The following MTA1 variants were observed in gnomAD, a reference collection of about 807,000 sequenced individuals.
The protein encoded by MTA1 is metastasis associated 1, also known as metastasis-associated protein MTA1.
Under a neutral mutation model 97.0 loss-of-function variants are expected in MTA1, and 15 were observed. The observed-to-expected ratio is 0.15, with a 90% CI of 0.10 to 0.24. The LOEUF (loss-of-function observed/expected upper bound fraction) is 0.24. Among genes scored for constraint, MTA1 ranks in the 10% least tolerant of loss-of-function variants. The pLI is 1.00. For missense variants in MTA1, 709 were observed against 1,015.1 expected (o/e 0.70, Z 4.10); for synonymous variants, 435 against 417.5 (o/e 1.04, Z -0.51).
chr14:105,452,711 G>A (rs782020838), intron 6 of MTA1, among the ~76,000 whole-genome samples: 5 of 152,208 alleles, frequency 3.3e-5, no homozygotes, highest in Non-Finnish European at 5.9e-5. Context: ...AGGCAGAGTA[G>A]GAGCTGAGGC....
chr14:105,444,243 T>C (rs781886906), intron 2 of MTA1, among the ~76,000 whole-genome samples: 27 of 151,610 alleles, frequency 1.8e-4, no homozygotes, highest in African/African-American at 3.1e-4. Context: ...GGCGTGGTGG[T>C]GGGCGCCTGT....
intron 7 of MTA1, among the ~76,000 whole-genome samples, 158 bp downstream of exon 7, chr14:105,454,468 G>A (rs782733275): frequency 2.0e-5 from 3 of 152,204 alleles, no homozygotes; most frequent in Admixed American, 6.5e-5. Flanking sequence ...TGGGTGATGC[G>A]TGTAGGCTGG....
At chr14:105,428,717 C>CTTT (rs60016099) in intron 1 of MTA1, among the ~76,000 whole-genome samples, 5 of 145,490 alleles carry the variant, frequency 3.4e-5, no homozygotes, top group Non-Finnish European at 4.6e-5. Flanking sequence ...AGAAGTGTTT[C>CTTT]TTTTTTTTTT....
chr14:105,424,001 TGAGCACCAG>T lies in MTA1; in HGVS notation c.28+3943_28+3951del, dbSNP rs1335957604. 2.0e-5 allele frequency among the ~76,000 whole-genome samples: 3 copies of T among 152,230 alleles called. No homozygotes were observed. The highest frequency in any genetic ancestry group is 2.4e-5 in the African/African-American group (1 of 41,472). On this transcript the variant is annotated intron_variant, in intron 1 of 20. Coordinates refer to ENST00000331320, the MANE Select transcript of MTA1 (RefSeq NM_004689.4). This position sits in a 1 kb window ranked among gnomAD's most constrained non-coding sequence, Gnocchi z 4.0. ...GAGCCCTGGAGACACGGCCGTCCTG[TGAGCACCAG>T]GAGCGGGAGTGGTAGAAGTGGCAGG... is the stretch of plus-strand genomic sequence containing the variant.
chr14:105,423,684 G>A (rs1015890560), intron 1 of MTA1, among the ~76,000 whole-genome samples: 10 of 152,364 alleles, frequency 6.6e-5, no homozygotes, highest in African/African-American at 1.9e-4. Flanking sequence ...CACCCTGTCC[G>A]TGCTGCTGGT....
At chr14:105,452,142 A>C (rs1469002782) in intron 6 of MTA1, among the ~76,000 whole-genome samples, 1 of 152,198 alleles carries the variant, frequency 6.6e-6, no homozygotes, top group African/African-American at 2.4e-5. Context: ...CAATATGGGA[A>C]TTTAATGTAA....
chr14:105,464,737 G>A lies in MTA1; in HGVS notation c.1408G>A (p.Ala470Thr). Residue 470 changes from alanine (A) to threonine (T), a missense_variant, in exon 15 of 21, where the codon GCT becomes ACT. Transcript: ENST00000331320. ...SPKFAMKTRQ[A>T]FYLHTTKLTR... The stretch of plus-strand genomic sequence containing the variant: ...CAAGTTTGCCATGAAGACCAGGCAG[G>A]CTTTCTATCTGCACACGACGAAGCT... The A allele has an allele frequency of 6.2e-7, 1 of 1,609,912 alleles. No individual in the cohort carries two copies. Among genetic ancestry groups the A allele is most frequent in the Non-Finnish European group, 8.5e-7 (1 of 1,177,822 alleles).
chr14:105,463,075 TG>T lies in MTA1; in HGVS notation c.943-107del. 9.1e-7 allele frequency: 1 copy of T among 1,104,624 alleles called. No individual in the cohort carries two copies. Among genetic ancestry groups the T allele is most frequent in the Non-Finnish European group, 1.3e-6 (1 of 746,076 alleles). 68.4% of individuals were successfully genotyped at this position (1,104,624 alleles called of 1,614,324 possible). On this transcript the variant is annotated intron_variant, in intron 10 of 20. Coordinates refer to ENST00000331320, the MANE Select transcript of MTA1 (RefSeq NM_004689.4). The surrounding 1 kb of genome is among the most constrained non-coding windows in gnomAD (Gnocchi z 5.9). ...CGTGCACCAAGCACACCTCGCCCTC[TG>T]GCCTCCCGCCCCCTCTGTGGCCTTC...
chr14:105,421,616 C>A (rs370413675), intron 1 of MTA1, among the ~76,000 whole-genome samples: 1 of 152,228 alleles, frequency 6.6e-6, no homozygotes, highest in East Asian at 1.9e-4. Flanking sequence ...GGCCTGCCTG[C>A]CTGTGATCTT....
chr14:105,468,453 GCACCTGGGCCCC>G, intron 18 of MTA1: 3 of 1,112,202 alleles, frequency 2.7e-6, no homozygotes, highest in Non-Finnish European at 3.7e-6. Flanking sequence ...CGCAGATCAG[GCACCTGGGCCCC>G]CACCTGACCC....
chr14:105,452,916 G>T (rs1163642260), intron 6 of MTA1, among the ~76,000 whole-genome samples: 1 of 152,254 alleles, frequency 6.6e-6, no homozygotes, highest in Non-Finnish European at 1.5e-5. Context: ...ACGACCCACA[G>T]GAATCAGGAG....
At chr14:105,429,134 C>T (rs1295282172) in intron 1 of MTA1, among the ~76,000 whole-genome samples, 2 of 152,314 alleles carry the variant, frequency 1.3e-5, no homozygotes, top group South Asian at 2.1e-4. Context: ...CCTCAGCCTT[C>T]GTAGAACTGA....
chr14:105,467,645 G>T, intron 18 of MTA1: 2 of 372,462 alleles, frequency 5.4e-6, no homozygotes, highest in Non-Finnish European at 1.1e-5. Flanking sequence ...GGCGGTGTCT[G>T]TGTCTCGGCC....
chr14:105,426,973 G>C (rs1452796209), intron 1 of MTA1, among the ~76,000 whole-genome samples: 1 of 152,228 alleles, frequency 6.6e-6, no homozygotes, highest in Non-Finnish European at 1.5e-5. Flanking sequence ...CTGGTCTCCT[G>C]TCTCTGACCA....
chr14:105,460,712 A>G, intron 9 of MTA1, 53 bp from the exon 10 acceptor site: 3 of 1,497,456 alleles, frequency 2.0e-6, no homozygotes, highest in South Asian at 2.7e-5. Flanking sequence ...ACCGTGCCAC[A>G]GGTGCAGGAA....
At chr14:105,429,814 T>C (rs587707697) in intron 1 of MTA1, among the ~76,000 whole-genome samples, 69 of 122,996 alleles carry the variant, frequency 5.6e-4, no homozygotes, top group African/African-American at 2.0e-3. Flanking sequence ...TGGAGTGCAG[T>C]GGTGCGATCT....
chr14:105,468,760 C>G (rs2083702088), intron 18 of MTA1, among the ~76,000 whole-genome samples: 1 of 152,188 alleles, frequency 6.6e-6, no homozygotes, highest in Non-Finnish European at 1.5e-5. Context: ...GGACCAGCTC[C>G]CACATGCACA....
chr14:105,439,444 G>C (rs1362024621), intron 2 of MTA1, among the ~76,000 whole-genome samples: 2 of 152,218 alleles, frequency 1.3e-5, no homozygotes, highest in Non-Finnish European at 1.5e-5. Flanking sequence ...AGCCACTCCT[G>C]GCCTCCACTG....
intron 2 of MTA1, among the ~76,000 whole-genome samples, chr14:105,444,876 C>T (rs2082663197): frequency 6.6e-6 from 1 of 151,992 alleles, no homozygotes; most frequent in African/African-American, 2.4e-5. Flanking sequence ...CTTGCAGTAG[C>T]AAAGATGTTA....
Sources: gnomAD v4.1 joint callset for allele counts (sites outside exome capture counted in the v4.1 genomes callset) on GRCh38, gnomAD v4.1.1 for gene constraint, Gnocchi (gnomAD v3.1) non-coding constraint, MANE v1.5 for transcripts, NCBI Gene and HGNC (gene_info 2026-07-23, HGNC 2026-07-21) for gene names.